Variants in GREB1L observed in about 807,000 individuals in gnomAD.
The protein encoded by GREB1L is GREB1-like protein.
In GREB1L, 17 loss-of-function variants were observed where a neutral mutation model predicts 200.8. The observed-to-expected ratio is 0.08, with a 90% CI of 0.06 to 0.13. The LOEUF (loss-of-function observed/expected upper bound fraction) is 0.13. Among genes scored for constraint, GREB1L ranks in the 10% least tolerant of loss-of-function variants. The probability of loss-of-function intolerance (pLI) is 1.00; values close to 1 mark genes in which losing one functional copy is unlikely to be tolerated. For missense variants in GREB1L, 1,657 were observed against 2,367.7 expected, an observed-to-expected ratio of 0.70 and a Z score of 6.23; for synonymous variants, 789 against 893.0, an observed-to-expected ratio of 0.88 and a Z score of 2.08.
chr18:21,252,949 C>G (rs2037736498), intron 1 of GREB1L, among the ~76,000 whole-genome samples: 2 of 152,100 alleles, frequency 1.3e-5, no homozygotes, highest in Admixed American at 1.3e-4. Flanking sequence ...GGGAGATTGA[C>G]TTTTATTTTA....
intron 15 of GREB1L, among the ~76,000 whole-genome samples, chr18:21,457,941 G>T (rs968683102): frequency 1.3e-5 from 2 of 149,996 alleles, no homozygotes; most frequent in Non-Finnish European, 2.9e-5. Context: ...ATCACAGAGG[G>T]TAGTACCTTG....
chr18:21,362,514 T>G (rs1321764223), intron 1 of GREB1L, among the ~76,000 whole-genome samples: 1 of 152,232 alleles, frequency 6.6e-6, no homozygotes, highest in African/African-American at 2.4e-5. Context: ...GGAAATTTTC[T>G]TAAGCATTTT....
chr18:21,285,115 A>G (rs1375002479), intron 1 of GREB1L, among the ~76,000 whole-genome samples: 1 of 152,026 alleles, frequency 6.6e-6, no homozygotes, highest in Non-Finnish European at 1.5e-5. Flanking sequence ...GTTTTCTTTC[A>G]TTCTGTGGCT....
chr18:21,492,079 G>T (rs1489090865), intron 19 of GREB1L, among the ~76,000 whole-genome samples: 1 of 152,120 alleles, frequency 6.6e-6, no homozygotes, highest in East Asian at 1.9e-4. Context: ...GGGCACGGTA[G>T]CTCATGCCTG....
intron 1 of GREB1L, among the ~76,000 whole-genome samples, chr18:21,346,504 A>C (rs557133057): frequency 1.3e-5 from 2 of 151,986 alleles, no homozygotes; most frequent in East Asian, 3.9e-4. Context: ...GCCCTCTCTC[A>C]CACTTGGGAG....
rs1271386178 is a variant in GREB1L, at chr18:21,523,660, T to C, written c.*839T>C. The C allele has an allele frequency of 2.6e-5, 4 of 152,222 alleles. No individual in the cohort carries two copies. Among genetic ancestry groups the C allele is most frequent in the South Asian group, 2.1e-4 (1 of 4,828 alleles). The allele number at this position is 152,222 out of a possible 1,614,324, so 9.4% of individuals were successfully genotyped here. A position where few individuals can be genotyped will look rare whatever the true frequency, so the allele number is the denominator to read the frequency against. On this transcript the variant is annotated 3_prime_UTR_variant, in exon 33 of 33. Coordinates refer to ENST00000424526, the MANE Select transcript of GREB1L (RefSeq NM_001142966.3). ...CAGCAGGTAACCTGCACCCACCGTTTGGTTGGAATTAAGCAGTTGGCACCA... is the reference window on the plus strand; with the variant it reads ...CAGCAGGTAACCTGCACCCACCGTTCGGTTGGAATTAAGCAGTTGGCACCA...
intron 25 of GREB1L, among the ~76,000 whole-genome samples, chr18:21,507,657 G>A (rs890042887): frequency 6.6e-6 from 1 of 152,184 alleles, no homozygotes; most frequent in Non-Finnish European, 1.5e-5. Flanking sequence ...ACTGTAGCCT[G>A]GAAAGATGGG....
intron 1 of GREB1L, among the ~76,000 whole-genome samples, chr18:21,265,547 A>G (rs1457965282): frequency 6.6e-6 from 1 of 152,124 alleles, no homozygotes; most frequent in Non-Finnish European, 1.5e-5. Flanking sequence ...ACTCACCTAT[A>G]TTGAAATGCT....
At chr18:21,448,441 A>G (rs2034350680) in intron 11 of GREB1L, among the ~76,000 whole-genome samples, 1 of 152,242 alleles carries the variant, frequency 6.6e-6, no homozygotes, top group South Asian at 2.1e-4. Flanking sequence ...GGGAAGGGCC[A>G]GAGAAACCAC....
At chr18:21,300,458 C>T (rs1172932204) in intron 1 of GREB1L, among the ~76,000 whole-genome samples, 1 of 152,180 alleles carries the variant, frequency 6.6e-6, no homozygotes, top group Non-Finnish European at 1.5e-5. Context: ...TTCTTTTGCT[C>T]CAAAGCCAGT....
intron 1 of GREB1L, among the ~76,000 whole-genome samples, chr18:21,356,951 G>A (rs560818702): frequency 2.0e-5 from 3 of 152,174 alleles, no homozygotes; most frequent in African/African-American, 7.2e-5. Context: ...TTCATATACT[G>A]TTGGCGATTT....
At chr18:21,387,105 G>T (rs888294799) in intron 4 of GREB1L, among the ~76,000 whole-genome samples, 2 of 152,168 alleles carry the variant, frequency 1.3e-5, no homozygotes, top group Non-Finnish European at 2.9e-5. Flanking sequence ...TAAATTATCG[G>T]AGTAGTGTAG....
At position 21,362,929 on chromosome 18, in the gene GREB1L, G is replaced by C. The variant is rs117148867; in HGVS notation, c.-119-3098G>C. Among the ~76,000 whole-genome samples the C allele has an allele frequency of 3.0e-4, 45 of 152,296 alleles. 1 individual carries two copies. In the East Asian group the frequency reaches 8.7e-3, roughly 29 times the overall value. On this transcript the variant is annotated intron_variant, in intron 1 of 32. Coordinates refer to ENST00000424526, the MANE Select transcript of GREB1L (RefSeq NM_001142966.3). ...TGTTAATATGACCTTTCCTTTGTTAGAAAAGAGCTGTGCAGCCCTTCCCAG... is the reference window on the plus strand; with the variant it reads ...TGTTAATATGACCTTTCCTTTGTTACAAAAGAGCTGTGCAGCCCTTCCCAG...
At chr18:21,431,617 C>T (rs1315546438) in intron 7 of GREB1L, among the ~76,000 whole-genome samples, 2 of 152,102 alleles carry the variant, frequency 1.3e-5, no homozygotes, top group African/African-American at 2.4e-5. Flanking sequence ...ATTCTACTGA[C>T]GTCTTAGGCT....
At chr18:21,515,788 G>A in intron 29 of GREB1L, 144 bp downstream of exon 29, 1 of 661,556 alleles carries the variant, frequency 1.5e-6, no homozygotes, top group Non-Finnish European at 2.6e-6. Flanking sequence ...GGGATCACAA[G>A]CCCCAAAGTG....
chr18:21,331,043 A>G (rs1473613243), intron 1 of GREB1L, among the ~76,000 whole-genome samples: 1 of 152,184 alleles, frequency 6.6e-6, no homozygotes, highest in East Asian at 1.9e-4. Flanking sequence ...ACATCAGGCT[A>G]TTTCATCTGC....
intron 7 of GREB1L, among the ~76,000 whole-genome samples, chr18:21,413,492 C>CT (rs1391817872): frequency 2.0e-5 from 3 of 152,018 alleles, no homozygotes; most frequent in Non-Finnish European, 2.9e-5. Context: ...AAAACAGTCT[C>CT]TTTTTTTTCC....
At chr18:21,445,022 T>C (rs1436822767) in intron 11 of GREB1L, among the ~76,000 whole-genome samples, 1 of 152,222 alleles carries the variant, frequency 6.6e-6, no homozygotes, top group Admixed American at 6.5e-5. Context: ...ATCTGATATA[T>C]TCTCCGAAGC....
At position 21,485,629 on chromosome 18, in the gene GREB1L, G is replaced by A. The variant is rs2036098584; in HGVS notation, c.2566G>A (p.Gly856Ser). ...CTGTATTTTGAACCAGGAGGACGTGGGCTGCGAGGAGAAGCTGTACTTTGG... is the reference window on the plus strand; with the variant it reads ...CTGTATTTTGAACCAGGAGGACGTGAGCTGCGAGGAGAAGCTGTACTTTGG... ...WIQLDTGEDV[G>S]CEEKLYFGLS... Residue 856 changes from glycine (G) to serine (S), a missense_variant, in exon 18 of 33, where the codon GGC becomes AGC. Around this residue, in one of 9 missense-constraint regions of GREB1L, gnomAD observed 239 missense variants for 421.8 expected, o/e 0.57. Coordinates refer to ENST00000424526, the MANE Select transcript of GREB1L (RefSeq NM_001142966.3). 1 of 1,551,154 alleles carries A rather than the reference G, an allele frequency of 6.4e-7. No homozygotes were observed. The highest frequency in any genetic ancestry group is 2.0e-5 in the Admixed American group (1 of 50,952).
Sources: allele counts gnomAD v4.1 joint callset (sites outside exome capture counted in the v4.1 genomes callset), GRCh38; gene constraint gnomAD v4.1.1; regional missense constraint gnomAD v4.1.1; transcripts MANE v1.5; gene names NCBI Gene and HGNC (gene_info 2026-07-23, HGNC 2026-07-21).